The following AAK1 variants were observed in gnomAD, a reference collection of about 807,000 sequenced individuals.
AAK1 encodes the protein AP2-associated protein kinase 1.
In AAK1, 37 loss-of-function variants were observed where a neutral mutation model predicts 116.0. The observed-to-expected ratio is 0.32, with a 90% confidence interval of 0.25 to 0.42. The LOEUF is 0.42. Among genes scored for constraint, AAK1 ranks in the 10% least tolerant of loss-of-function variants. The probability of loss-of-function intolerance (pLI) is 1.00; values close to 1 mark genes in which losing one functional copy is unlikely to be tolerated. For synonymous variants in AAK1, 458 were observed against 439.9 expected, an observed-to-expected ratio of 1.04 and a Z score of -0.51; for missense variants, 919 against 1,170.6, an observed-to-expected ratio of 0.79 and a Z score of 3.14.
intron 3 of AAK1, among the ~76,000 whole-genome samples, chr2:69,554,854 A>G (rs1383747953): frequency 6.6e-6 from 1 of 152,236 alleles, no homozygotes; most frequent in Non-Finnish European, 1.5e-5. Flanking sequence ...AAACTCTCAC[A>G]GCTAATACGC....
At chr2:69,495,722 A>G (rs1370645883) in intron 17 of AAK1, among the ~76,000 whole-genome samples, 1 of 152,130 alleles carries the variant, frequency 6.6e-6, no homozygotes, top group East Asian at 1.9e-4. Flanking sequence ...CATTAACACA[A>G]TCAAGGATGA....
At chr2:69,500,698 T>TATATATATATATATATAC in intron 16 of AAK1, among the ~76,000 whole-genome samples, 17 of 65,082 alleles carry the variant, frequency 2.6e-4, no homozygotes, top group East Asian at 1.0e-3. Context: ...TATATATATA[T>TATATATATATATATATAC]ACACACACAC....
rs1674976577 is a variant in AAK1, at chr2:69,479,020, G to A, written c.2611C>T (p.Leu871Phe). 3 of 1,613,946 alleles carry A rather than the reference G, an allele frequency of 1.9e-6. No individual in the cohort carries two copies. The East Asian group carries it at 6.7e-5, about 36-fold the overall frequency. The change falls in exon 20 of 22, where the codon CTC becomes TTC. Residue 871 changes from leucine to phenylalanine, a missense_variant. Leu to Phe is a conservative substitution (Grantham distance 22, BLOSUM62 0). Around this residue, in one of 4 missense-constraint regions of AAK1, gnomAD observed 263 missense variants for 285.5 expected, o/e 0.92. Transcript: ENST00000409085. The stretch of plus-strand genomic sequence containing the variant: ...AGAAGGTCAGTAGTAGGGTTAGAGA[G>A]CAGAGAGCAATCAAGCAGGGAATCT... The part of the protein sequence containing the change: ...GEDSLLDCSL[L>F]SNPTTDLLEE...
intron 13 of AAK1, among the ~76,000 whole-genome samples, chr2:69,512,511 CT>C (rs1676430650): frequency 6.6e-6 from 1 of 152,192 alleles, no homozygotes; most frequent in Non-Finnish European, 1.5e-5. Context: ...ATTAATAAGA[CT>C]GCAATAAACA....
intron 16 of AAK1, among the ~76,000 whole-genome samples, chr2:69,500,690 T>TACACACAC (rs1223699900): frequency 4.4e-5 from 5 of 114,076 alleles, no homozygotes; most frequent in African/African-American, 1.9e-4. Flanking sequence ...TATATATATA[T>TACACACAC]ATATATATAC....
rs887165561 is a variant in AAK1, at chr2:69,509,305, G to A, written c.1932C>T (p.Val644=). Residue 644 remains valine, a synonymous_variant, in exon 14 of 22, where the codon GTC becomes GTT. Transcript: ENST00000409085. The part of the protein sequence containing the change: ...RILSDVTHSA[V]FGVPASKSTQ... Reference sequence around the variant, plus strand: ...TTGATTTGCTGGCAGGGACCCCAAAGACTGCACTGTGGGTTACGTCACTGA... The same window carrying A: ...TTGATTTGCTGGCAGGGACCCCAAAAACTGCACTGTGGGTTACGTCACTGA... The A allele has an allele frequency of 6.2e-7, 1 of 1,613,964 alleles. No homozygotes were observed. The highest frequency in any genetic ancestry group is 2.2e-5 in the East Asian group (1 of 44,878).
At chr2:69,560,337 A>T (rs913501067) in intron 2 of AAK1, among the ~76,000 whole-genome samples, 1 of 152,226 alleles carries the variant, frequency 6.6e-6, no homozygotes, top group Non-Finnish European at 1.5e-5. Flanking sequence ...GGTTCAGGCT[A>T]TTACGGAAGG....
chr2:69,533,857 T>C (rs969203557), intron 5 of AAK1, among the ~76,000 whole-genome samples: 1 of 152,252 alleles, frequency 6.6e-6, no homozygotes, highest in Non-Finnish European at 1.5e-5. Flanking sequence ...CATAGGGTTA[T>C]GAAAGATTAG....
At chr2:69,564,263 G>T (rs935423693) in intron 2 of AAK1, among the ~76,000 whole-genome samples, 2 of 152,040 alleles carry the variant, frequency 1.3e-5, no homozygotes, top group Non-Finnish European at 1.5e-5. Flanking sequence ...TTTAAACTGG[G>T]TTCCTCCAAG....
chr2:69,565,717 T>C (rs6737754), intron 2 of AAK1, among the ~76,000 whole-genome samples: 7,689 of 151,946 alleles, frequency 0.051, 692 homozygotes, highest in African/African-American at 0.18. Flanking sequence ...GTCCTCTCCA[T>C]GGTGAGAGCT....
chr2:69,533,909 A>G (rs1670357517), intron 5 of AAK1, among the ~76,000 whole-genome samples: 1 of 152,216 alleles, frequency 6.6e-6, no homozygotes, highest in Non-Finnish European at 1.5e-5. Flanking sequence ...GCACGCAAAT[A>G]TTTCCATCAT....
chr2:69,556,842 T>C lies in AAK1; in HGVS notation c.282+18A>G. ...TGCCTCCATTTTAAACAGTCCCAAG[T>C]CCAAGGGGCAGCCTTACCATTATCT... On this transcript the variant is annotated intron_variant, in intron 3 of 21. Coordinates refer to ENST00000409085, the MANE Select transcript of AAK1 (RefSeq NM_014911.5). 6.3e-7 allele frequency: 1 copy of C among 1,586,392 alleles called. No individual in the cohort carries two copies. Among genetic ancestry groups the C allele is most frequent in the Non-Finnish European group, 8.7e-7 (1 of 1,155,392 alleles).
rs571167118 is a variant in AAK1, at chr2:69,461,499, CAAAA to C, written c.*14366_*14369del. 1.6e-3 allele frequency: 260 copies of C among 157,968 alleles called. No homozygotes were observed. The highest frequency in any genetic ancestry group is 3.5e-3 in the South Asian group (62 of 17,684). The allele number at this position is 157,968 out of a possible 1,614,324, so 9.8% of individuals were successfully genotyped here. On this transcript the variant is annotated 3_prime_UTR_variant, in exon 22 of 22. Coordinates refer to ENST00000409085, the MANE Select transcript of AAK1 (RefSeq NM_014911.5). The stretch of plus-strand genomic sequence containing the variant: ...AAGTCAAAGTTTTTTCATGCATCAC[CAAAA>C]AAAAAAAAAAAAGTAATTTGCATGT...
rs1018693973 is a variant in AAK1, at chr2:69,552,501, C to G, written c.282+4359G>C. On this transcript the variant is annotated intron_variant, in intron 3 of 21. Transcript: ENST00000409085. ...GCTGAGGCAGGCAAATCACTTGGGTCAGGAGTTGAGGACCAGCCTGGCCAA... is the reference window on the plus strand; with the variant it reads ...GCTGAGGCAGGCAAATCACTTGGGTGAGGAGTTGAGGACCAGCCTGGCCAA... Among the ~76,000 whole-genome samples, 3 of 152,208 alleles carry G rather than the reference C, an allele frequency of 2.0e-5. 1 individual carries two copies. The highest frequency in any genetic ancestry group is 1.5e-5 in the Non-Finnish European group (1 of 67,990).
At chr2:69,565,339 A>C (rs1462277594) in intron 2 of AAK1, among the ~76,000 whole-genome samples, 2 of 152,210 alleles carry the variant, frequency 1.3e-5, no homozygotes, top group Non-Finnish European at 2.9e-5. Flanking sequence ...AAAATCTCTT[A>C]AACCTTGTGC....
intron 17 of AAK1, among the ~76,000 whole-genome samples, chr2:69,489,683 A>G (rs545934411): frequency 1.3e-5 from 2 of 152,264 alleles, no homozygotes; most frequent in Middle Eastern, 6.8e-3. Flanking sequence ...GTAAGCCCTG[A>G]AGTCTCATGA....
At chr2:69,589,686 G>C (rs922232382) in intron 2 of AAK1, among the ~76,000 whole-genome samples, 2 of 139,996 alleles carry the variant, frequency 1.4e-5, no homozygotes, top group African/African-American at 5.3e-5. Flanking sequence ...TCCAGCCTGG[G>C]CAACAAAGAG....
At chr2:69,600,631 T>TCCC (rs1158349291) in intron 2 of AAK1, among the ~76,000 whole-genome samples, 6 of 152,210 alleles carry the variant, frequency 3.9e-5, no homozygotes, top group Non-Finnish European at 5.9e-5. Flanking sequence ...ATGAATCTCC[T>TCCC]CCCGGTGAAG....
In AAK1 at chr2:69,509,108, A is replaced by G. The variant is rs1347779609; in HGVS notation, c.2006+123T>C. ...ACAAACCAGAAAAATAAACAAACAC[A>G]AGTACACACCACTGTATTTGCATTA... On this transcript the variant is annotated intron_variant, in intron 14 of 21. Coordinates refer to ENST00000409085, the MANE Select transcript of AAK1 (RefSeq NM_014911.5). The G allele has an allele frequency of 1.0e-5, 8 of 765,318 alleles. No individual in the cohort carries two copies. In the East Asian group the frequency reaches 2.1e-4, roughly 20 times the overall value. 47.4% of individuals were successfully genotyped at this position (765,318 alleles called of 1,614,324 possible).
Sources: gnomAD v4.1 joint callset for allele counts (sites outside exome capture counted in the v4.1 genomes callset) on GRCh38, gnomAD v4.1.1 for gene constraint, gnomAD v4.1.1 regional missense constraint, MANE v1.5 for transcripts, NCBI Gene and HGNC (gene_info 2026-07-23, HGNC 2026-07-21) for gene names.